HYDIN: variants seen among roughly 807,000 people sequenced by gnomAD.
HYDIN encodes HYDIN axonemal central pair apparatus protein, also known as axonemal central pair apparatus protein HYDIN.
HYDIN carries 132 observed loss-of-function variants against 403.9 expected under a neutral mutation model. The ratio of observed to expected loss-of-function variants is 0.33; its 90% CI spans 0.28 to 0.38. The LOEUF is 0.38. Ranked by LOEUF, HYDIN falls within the 10% of genes least tolerant of loss-of-function variation. The pLI is 1.00. For synonymous variants in HYDIN, 1,202 were observed against 1,891.7 expected (o/e 0.64, Z 9.46); for missense variants, 2,827 against 5,009.5 (o/e 0.56, Z 13.15).
At chr16:71,162,990 G>A (rs1379965007) in intron 5 of HYDIN, among the ~76,000 whole-genome samples, 1 of 152,214 alleles carries the variant, frequency 6.6e-6, no homozygotes, top group Non-Finnish European at 1.5e-5. Flanking sequence ...GCAATAGGGA[G>A]GTAGGATGAA....
At chr16:71,010,657 G>A (rs1258287611) in intron 23 of HYDIN, among the ~76,000 whole-genome samples, 4 of 152,168 alleles carry the variant, frequency 2.6e-5, no homozygotes, top group Admixed American at 6.5e-5. Flanking sequence ...TGGGGCAGGT[G>A]GCTGAGCCAA....
chr16:71,102,558 T>C (rs918782063), intron 10 of HYDIN, among the ~76,000 whole-genome samples: 1 of 151,510 alleles, frequency 6.6e-6, no homozygotes, highest in African/African-American at 2.4e-5. Context: ...GATATGAATG[T>C]ATGCATGTGC....
intron 10 of HYDIN, among the ~76,000 whole-genome samples, chr16:71,107,263 C>G (rs11075862): frequency 3.9e-4 from 58 of 149,120 alleles, no homozygotes; most frequent in African/African-American, 1.4e-3. Flanking sequence ...CAAACCTGCA[C>G]GTTGTGCACA....
At chr16:71,056,744 A>C (rs1312669245) in intron 18 of HYDIN, among the ~76,000 whole-genome samples, 1 of 152,246 alleles carries the variant, frequency 6.6e-6, no homozygotes, top group Non-Finnish European at 1.5e-5. Context: ...CTGAATTTGT[A>C]ATAGGCTTGG....
At chr16:70,824,537 T>G (rs2036462053) in intron 83 of HYDIN, among the ~76,000 whole-genome samples, 1 of 152,026 alleles carries the variant, frequency 6.6e-6, no homozygotes. Context: ...ATTCACTTTT[T>G]TTTTTTTTGA....
intron 1 of HYDIN, among the ~76,000 whole-genome samples, chr16:71,223,369 TC>T (rs1485805612): frequency 2.0e-5 from 3 of 152,140 alleles, no homozygotes; most frequent in African/African-American, 7.2e-5. Context: ...ACCATAAAAA[TC>T]CTAGAAGATA....
chr16:71,229,799 T>G (rs967009828), intron 1 of HYDIN, among the ~76,000 whole-genome samples: 1 of 152,242 alleles, frequency 6.6e-6, no homozygotes, highest in Non-Finnish European at 1.5e-5. Context: ...AATGGAATCA[T>G]TCTACATACT....
chr16:71,153,065 T>C (rs1373615051), intron 6 of HYDIN, among the ~76,000 whole-genome samples: 1 of 152,226 alleles, frequency 6.6e-6, no homozygotes, highest in Non-Finnish European at 1.5e-5. Flanking sequence ...ATTCATTGAG[T>C]ATCCCTGCTG....
intron 12 of HYDIN, among the ~76,000 whole-genome samples, chr16:71,085,802 G>A (rs1283279670): frequency 3.3e-5 from 5 of 152,170 alleles, no homozygotes; most frequent in Admixed American, 2.6e-4. Flanking sequence ...TTTGCATGGT[G>A]TATATATTTC....
intron 23 of HYDIN, among the ~76,000 whole-genome samples, chr16:71,007,133 T>G (rs951800361): frequency 2.6e-5 from 4 of 151,898 alleles, no homozygotes; most frequent in Non-Finnish European, 5.9e-5. Flanking sequence ...TGCCCTTCCC[T>G]TATTTGTAAA....
chr16:70,859,487 C>T (rs1193192319), intron 71 of HYDIN, among the ~76,000 whole-genome samples: 1 of 152,126 alleles, frequency 6.6e-6, no homozygotes, highest in Non-Finnish European at 1.5e-5. Context: ...GTGTGACCCT[C>T]CTGAGGGCAC....
chr16:71,136,710 T>C (rs2084934527), intron 8 of HYDIN, among the ~76,000 whole-genome samples: 1 of 140,850 alleles, frequency 7.1e-6, no homozygotes, highest in Non-Finnish European at 1.5e-5. Flanking sequence ...GAGGTTGTAG[T>C]GAGCTGAGAT....
chr16:70,962,844 G>C (rs1323056402), intron 37 of HYDIN, among the ~76,000 whole-genome samples: 2 of 145,676 alleles, frequency 1.4e-5, no homozygotes, highest in African/African-American at 2.6e-5. Flanking sequence ...GCCTTCCCTG[G>C]AAGGAAGGGA....
At chr16:70,841,177 G>A (rs1342895409) in intron 75 of HYDIN, among the ~76,000 whole-genome samples, 1 of 151,970 alleles carries the variant, frequency 6.6e-6, no homozygotes, top group East Asian at 1.9e-4. Context: ...AAGTTCAGGG[G>A]TACATGTGCA....
intron 18 of HYDIN, among the ~76,000 whole-genome samples, chr16:71,046,963 A>C (rs1368375778): frequency 1.6e-4 from 24 of 152,044 alleles, no homozygotes; most frequent in Admixed American, 1.6e-3. Flanking sequence ...AAGAAACATA[A>C]ATTTTTATGG....
intron 9 of HYDIN, among the ~76,000 whole-genome samples, chr16:71,116,479 T>C (rs12598991): frequency 0.025 from 3,750 of 152,154 alleles, 62 homozygotes; most frequent in Admixed American, 0.18. Context: ...TGAATAATGC[T>C]GCAATGAACA....
intron 10 of HYDIN, among the ~76,000 whole-genome samples, chr16:71,097,608 T>C (rs2083311733): frequency 6.8e-6 from 1 of 146,164 alleles, no homozygotes; most frequent in Non-Finnish European, 1.5e-5. Flanking sequence ...CTCTCAAGAA[T>C]GGTTGTGCTA....
rs375963418 is a variant in HYDIN, at chr16:70,882,885, G to A, written c.9990C>T (p.Thr3330=). The A allele has an allele frequency of 5.5e-5, 87 of 1,583,026 alleles. No homozygotes were observed. Among genetic ancestry groups the A allele is most frequent in the Middle Eastern group, 3.3e-4 (2 of 6,026 alleles). ...LAEACLPAFV[T]ENNALIFEEH... is the part of the protein sequence containing the mutation. ...CTTCAAATATCAAGGCATTGTTTTC[G>A]GTCACGAAGGCTGGGGAGTGAAGGG... Residue 3330 remains threonine (T), a synonymous_variant, in exon 60 of 86, where the codon ACC becomes ACT. Coordinates refer to ENST00000393567, the MANE Select transcript of HYDIN (RefSeq NM_001270974.2).
Position 71,221,299 on chromosome 16 carries a change from T to G in HYDIN, c.-24+9263A>C, listed in dbSNP as rs146388103. Among the ~76,000 whole-genome samples the G allele has an allele frequency of 6.3e-3, 953 of 150,828 alleles. 11 individuals are homozygous for G. The highest frequency in any genetic ancestry group is 0.022 in the African/African-American group (914 of 41,116). On this transcript the variant is annotated intron_variant, in intron 1 of 85. Transcript: ENST00000393567. ...CTGAAAGGTTAGAATCACAGCCAACTCTCTTAGAGATGTACAGCCCAAATT... is the reference window on the plus strand; with the variant it reads ...CTGAAAGGTTAGAATCACAGCCAACGCTCTTAGAGATGTACAGCCCAAATT...
Sources: gnomAD v4.1 joint callset for allele counts (sites outside exome capture counted in the v4.1 genomes callset) on GRCh38, gnomAD v4.1.1 for gene constraint, MANE v1.5 for transcripts, NCBI Gene and HGNC (gene_info 2026-07-23, HGNC 2026-07-21) for gene names.